The following MARCHF7 variants were observed in gnomAD, a reference collection of about 807,000 sequenced individuals.
The protein encoded by MARCHF7 is E3 ubiquitin-protein ligase MARCHF7.
Under a neutral mutation model 76.5 loss-of-function variants are expected in MARCHF7, and 20 were observed. The ratio of observed to expected loss-of-function variants is 0.26; its 90% CI spans 0.18 to 0.38. The LOEUF (loss-of-function observed/expected upper bound fraction) is 0.38, where lower values mean the gene tolerates loss of function less well. Among genes scored for constraint, MARCHF7 ranks in the 10% least tolerant of loss-of-function variants. MARCHF7 has a pLI of 1.00. For missense variants in MARCHF7, 797 were observed against 812.9 expected (o/e 0.98, Z 0.24); for synonymous variants, 295 against 293.0 (o/e 1.01, Z -0.07).
chr2:159,713,793 G>C (rs1431398076), intron 1 of MARCHF7, among the ~76,000 whole-genome samples: 5 of 152,188 alleles, frequency 3.3e-5, no homozygotes, highest in Non-Finnish European at 7.3e-5. Context: ...TTTGAGTCTT[G>C]ATTTTTGCCA....
chr2:159,720,294 G>C (rs1265342235), intron 3 of MARCHF7, among the ~76,000 whole-genome samples: 1 of 152,186 alleles, frequency 6.6e-6, no homozygotes, highest in Non-Finnish European at 1.5e-5. Flanking sequence ...AAAGTGCTGG[G>C]ATTACAGGCA....
In MARCHF7 at chr2:159,767,338, C is replaced by A; in HGVS notation, c.2111C>A (p.Ala704Asp). The change falls in exon 12 of 12, where the codon GCC (alanine) becomes GAC (aspartate). Residue 704 changes from alanine to aspartate, a missense_variant. Ala to Asp is a moderately radical substitution (Grantham distance 126). Coordinates refer to ENST00000409175, the MANE Select transcript of MARCHF7 (RefSeq NM_001282805.2). ...GACCATAACAGGACATTTGATATTG[C>A]CTAACTTCATATAAGACAGATGGAT... ...DGDHNRTFDI[A>D] 6.2e-7 allele frequency: 1 copy of A among 1,606,702 alleles called. No homozygotes were observed. Among genetic ancestry groups the A allele is most frequent in the South Asian group, 1.1e-5 (1 of 90,802 alleles).
chr2:159,728,576 T>C (rs2125395011), intron 3 of MARCHF7, among the ~76,000 whole-genome samples: 1 of 152,290 alleles, frequency 6.6e-6, no homozygotes, highest in South Asian at 2.1e-4. Flanking sequence ...GGGTGGGGAA[T>C]GTATAGACTT....
chr2:159,743,022 C>T, intron 4 of MARCHF7, 39 bp from the exon 5 acceptor site: 1 of 1,551,176 alleles, frequency 6.4e-7, no homozygotes, highest in Non-Finnish European at 8.8e-7. Flanking sequence ...GTACTGAATG[C>T]AGCCTTTTGT....
At chr2:159,749,615 T>G (rs1705366640) in intron 7 of MARCHF7, among the ~76,000 whole-genome samples, 1 of 152,132 alleles carries the variant, frequency 6.6e-6, no homozygotes, top group Non-Finnish European at 1.5e-5. Context: ...CTCAAAGTAC[T>G]GGGATTACAG....
chr2:159,728,298 T>A (rs1017972118), intron 3 of MARCHF7, among the ~76,000 whole-genome samples: 1 of 152,244 alleles, frequency 6.6e-6, no homozygotes, highest in East Asian at 1.9e-4. Flanking sequence ...CAGCTATTGC[T>A]ATTATTTTTG....
intron 3 of MARCHF7, 76 bp downstream of exon 3, chr2:159,715,842 G>A (rs143714836): frequency 6.6e-6 from 1 of 152,254 alleles, no homozygotes; most frequent in African/African-American, 2.4e-5. Flanking sequence ...AAGAAGGCAA[G>A]TTTTGAACCT....
At chr2:159,731,965 G>A (rs944488809) in intron 4 of MARCHF7, among the ~76,000 whole-genome samples, 4 of 151,466 alleles carry the variant, frequency 2.6e-5, no homozygotes, top group East Asian at 1.9e-4. Context: ...TTAGCCGGGC[G>A]TGGTGGCGGG....
chr2:159,719,148 T>A (rs1701351016), intron 3 of MARCHF7, among the ~76,000 whole-genome samples: 1 of 152,134 alleles, frequency 6.6e-6, no homozygotes, highest in South Asian at 2.1e-4. Context: ...GCTAAATCTT[T>A]TTTTGTATTT....
Position 159,743,082 on chromosome 2 carries a change from G to A in MARCHF7, c.175G>A (p.Ala59Thr). The A allele has an allele frequency of 1.2e-6, 2 of 1,613,730 alleles. No individual in the cohort carries two copies. Among genetic ancestry groups the A allele is most frequent in the Non-Finnish European group, 8.5e-7 (1 of 1,179,858 alleles). Residue 59 changes from alanine to threonine, a missense_variant, in exon 5 of 12, where the codon GCG becomes ACG. Ala to Thr is a moderately conservative substitution (Grantham distance 58, BLOSUM62 0). This residue lies in a region of MARCHF7 where 643 missense variants were observed against 631.5 expected (regional missense o/e 1.02). Transcript: ENST00000409175. The stretch of plus-strand genomic sequence containing the variant: ...ACAGTCTACATCAGCATCAGCATCT[G>A]CGTCACCATTTCAATCTGCATGGTA... ...EYQSTSASASASPFQSAWYSE... is the reference protein window; with the variant it reads ...EYQSTSASASTSPFQSAWYSE...
Position 159,770,869 on chromosome 2 carries a change from T to C in MARCHF7, c.*3527T>C, listed in dbSNP as rs1177311534. The C allele has an allele frequency of 6.6e-6, 1 of 152,172 alleles. No homozygotes were observed. 9.4% of individuals were successfully genotyped at this position (152,172 alleles called of 1,614,324 possible). On this transcript the variant is annotated 3_prime_UTR_variant, in exon 12 of 12. Coordinates refer to ENST00000409175, the MANE Select transcript of MARCHF7 (RefSeq NM_001282805.2). ...CATTGATAAGTGATACGTGACTAAT[T>C]TACGTGAAATTTATACATTCTTTAT... is the stretch of plus-strand genomic sequence containing the variant.
chr2:159,752,278 C>CT, intron 7 of MARCHF7, 124 bp from the exon 8 acceptor site: 2 of 811,430 alleles, frequency 2.5e-6, no homozygotes, highest in South Asian at 4.2e-5. Context: ...TTACTGTTTG[C>CT]TTTTTTCCAC....
intron 4 of MARCHF7, among the ~76,000 whole-genome samples, chr2:159,742,717 T>A (rs1704286729): frequency 6.6e-6 from 1 of 152,026 alleles, no homozygotes; most frequent in Non-Finnish European, 1.5e-5. Flanking sequence ...GGCAGGCAGA[T>A]CATGAGGTCA....
intron 3 of MARCHF7, among the ~76,000 whole-genome samples, chr2:159,721,274 G>A (rs1032044617): frequency 6.6e-6 from 1 of 152,110 alleles, no homozygotes; most frequent in African/African-American, 2.4e-5. Flanking sequence ...TATCTTCAGA[G>A]TTTCTTAGGA....
chr2:159,762,924 A>G lies in MARCHF7; in HGVS notation c.1938A>G (p.Leu646=). 1.2e-6 allele frequency: 2 copies of G among 1,613,266 alleles called. No homozygotes were observed. Among genetic ancestry groups the G allele is most frequent in the Non-Finnish European group, 1.7e-6 (2 of 1,179,698 alleles). The part of the protein sequence containing the change: ...FISSGLYLVV[L]LHLCEQSFSD... The stretch of plus-strand genomic sequence containing the variant: ...GCTCTGGTCTCTACCTAGTGGTGTT[A>G]TTGCACTTGTGCGAACAAAGCTTTT... Residue 646 remains leucine, a synonymous_variant, in exon 10 of 12, where the codon TTA becomes TTG. Coordinates refer to ENST00000409175, the MANE Select transcript of MARCHF7 (RefSeq NM_001282805.2).
chr2:159,735,690 A>G (rs916052019), intron 4 of MARCHF7, among the ~76,000 whole-genome samples: 2 of 152,112 alleles, frequency 1.3e-5, no homozygotes, highest in Non-Finnish European at 2.9e-5. Context: ...ATACTATTTC[A>G]TTGTATGGAT....
intron 6 of MARCHF7, 30 bp downstream of exon 6, chr2:159,745,967 C>T (rs1215778801): frequency 1.3e-6 from 2 of 1,570,970 alleles, no homozygotes; most frequent in Non-Finnish European, 1.7e-6. Flanking sequence ...AGTATAACTT[C>T]TCATAATGTT....
chr2:159,728,181 A>G (rs900511962), intron 3 of MARCHF7, among the ~76,000 whole-genome samples: 6 of 152,216 alleles, frequency 3.9e-5, no homozygotes, highest in Non-Finnish European at 8.8e-5. Flanking sequence ...TATAAAGTGG[A>G]GATAATATAG....
chr2:159,757,424 A>G (rs955594377), intron 8 of MARCHF7, among the ~76,000 whole-genome samples: 5 of 152,238 alleles, frequency 3.3e-5, no homozygotes, highest in Admixed American at 2.0e-4. Flanking sequence ...ACAAAGATGA[A>G]TAAAATAAGT....
Sources: allele counts gnomAD v4.1 joint callset (sites outside exome capture counted in the v4.1 genomes callset), GRCh38; gene constraint gnomAD v4.1.1; regional missense constraint gnomAD v4.1.1; transcripts MANE v1.5; gene names NCBI Gene and HGNC (gene_info 2026-07-23, HGNC 2026-07-21).